The following RNF43 variants were observed in gnomAD, a reference collection of about 807,000 sequenced individuals.
The protein encoded by RNF43 is E3 ubiquitin-protein ligase RNF43.
Under a neutral mutation model 78.4 loss-of-function variants are expected in RNF43, and 37 were observed. That is an observed-to-expected ratio of 0.47 (90% CI 0.36 to 0.62). RNF43 has a LOEUF of 0.62. RNF43 is among the 20% of genes least tolerant of loss of function. RNF43 has a pLI of 0.00. For synonymous variants in RNF43, 347 were observed against 395.0 expected (o/e 0.88, Z 1.44); for missense variants, 774 against 1,007.9 (o/e 0.77, Z 3.14).
At chr17:58,398,507 G>A (rs556730116) in intron 2 of RNF43, among the ~76,000 whole-genome samples, 6 of 152,242 alleles carry the variant, frequency 3.9e-5, no homozygotes, top group African/African-American at 1.4e-4. Context: ...TGGTTCTGGG[G>A]TAAGGTACAG....
At chr17:58,352,976 C>A (rs1972594403), downstream of RNF43, 1 of 217,412 alleles carries the variant, frequency 4.6e-6, no homozygotes, top group Non-Finnish European at 9.2e-6. Flanking sequence ...AGAAGGGGAA[C>A]TTGTGCCTTG....
chr17:58,416,278 T>G (rs1320189148), intron 1 of RNF43: 1 of 152,488 alleles, frequency 6.6e-6, no homozygotes, highest in African/African-American at 2.4e-5. Flanking sequence ...ATACTTTTCA[T>G]GAACTTAGAC....
chr17:58,400,978 A>G (rs1287503062), intron 2 of RNF43, among the ~76,000 whole-genome samples: 2 of 152,130 alleles, frequency 1.3e-5, no homozygotes, highest in East Asian at 3.8e-4. Flanking sequence ...AGAGCATTCA[A>G]CTGGTGACCA....
Position 58,411,513 on chromosome 17 carries a change from A to G in RNF43, c.252+3813T>C, listed in dbSNP as rs150415905. 5.8e-3 allele frequency among the ~76,000 whole-genome samples: 887 copies of G among 152,216 alleles called. 5 individuals are homozygous for G. The highest frequency in any genetic ancestry group is 9.5e-3 in the African/African-American group (393 of 41,542). On this transcript the variant is annotated intron_variant, in intron 2 of 9. Coordinates refer to ENST00000407977, the MANE Select transcript of RNF43 (RefSeq NM_017763.6). ...ACATTGTGCAAAGGGGAATTTCTCC[A>G]GGAGGTGCTCACTGCTACTGGCCAA...
rs551444743 is a variant in RNF43 at position 58,393,671 on chromosome 17, G to C, written c.252+21655C>G. Among the ~76,000 whole-genome samples the C allele has an allele frequency of 2.4e-4, 36 of 152,268 alleles. 1 individual carries two copies. The East Asian group carries it at 6.9e-3, about 29-fold the overall frequency. On this transcript the variant is annotated intron_variant, in intron 2 of 9. Transcript: ENST00000407977. The stretch of plus-strand genomic sequence containing the variant: ...TGATTACAATGTAGGTCAAGAAATT[G>C]ATTAATTTAATGTTTGCGCTTCATT...
intron 2 of RNF43, among the ~76,000 whole-genome samples, chr17:58,404,394 T>C (rs946014052): frequency 5.3e-5 from 8 of 152,212 alleles, no homozygotes; most frequent in African/African-American, 1.9e-4. Flanking sequence ...GATGAAAGAT[T>C]AAGTGACTTG....
intron 2 of RNF43, among the ~76,000 whole-genome samples, chr17:58,398,418 T>A (rs538313993): frequency 6.6e-6 from 1 of 152,218 alleles, no homozygotes; most frequent in Non-Finnish European, 1.5e-5. Flanking sequence ...TTTTGATATA[T>A]CTCTGGTTAA....
In RNF43 at chr17:58,357,705, G is replaced by A. The variant is rs1485983033; in HGVS notation, c.2071C>T (p.Pro691Ser). 6.2e-7 allele frequency: 1 copy of A among 1,611,948 alleles called. No homozygotes were observed. The highest frequency in any genetic ancestry group is 2.2e-5 in the East Asian group (1 of 44,862). Reference sequence around the variant, plus strand: ...AAGGGGTGTGCCTCTGGGGACCAAGGATATGCCACACTGGGGGTGTAATGG... The same window carrying A: ...AAGGGGTGTGCCTCTGGGGACCAAGAATATGCCACACTGGGGGTGTAATGG... ...FPHYTPSVAY[P>S]WSPEAHPLIC... The change falls in exon 9 of 10, where the codon CCT becomes TCT. Residue 691 changes from proline to serine, a missense_variant. Pro to Ser is a moderately conservative substitution (Grantham distance 74). Coordinates refer to ENST00000407977, the MANE Select transcript of RNF43 (RefSeq NM_017763.6). The surrounding 1 kb of genome is among the most constrained non-coding windows in gnomAD (Gnocchi z 4.5).
At chr17:58,369,709 A>G (rs1008990548) in intron 3 of RNF43, among the ~76,000 whole-genome samples, 28 of 152,344 alleles carry the variant, frequency 1.8e-4, no homozygotes, top group Admixed American at 7.8e-4. Context: ...GTCATCCAGC[A>G]AGTTACCTGA....
intron 2 of RNF43, among the ~76,000 whole-genome samples, chr17:58,388,926 C>G (rs1336088268): frequency 1.3e-5 from 2 of 152,190 alleles, no homozygotes; most frequent in Non-Finnish European, 2.9e-5. Context: ...AAAAATAGAT[C>G]TGCAAAGATA....
chr17:58,367,465 G>C (rs538238044), intron 3 of RNF43, among the ~76,000 whole-genome samples: 19 of 152,352 alleles, frequency 1.2e-4, no homozygotes, highest in African/African-American at 4.3e-4. Context: ...AAGCAGTGGA[G>C]GCAGAATTTG....
At chr17:58,383,992 C>A (rs916647084) in intron 2 of RNF43, among the ~76,000 whole-genome samples, 1 of 152,136 alleles carries the variant, frequency 6.6e-6, no homozygotes, top group Non-Finnish European at 1.5e-5. Context: ...AGCTTCCCGG[C>A]AGCTTGATCA....
At chr17:58,397,848 T>G (rs1021520180) in intron 2 of RNF43, among the ~76,000 whole-genome samples, 1 of 152,146 alleles carries the variant, frequency 6.6e-6, no homozygotes, top group African/African-American at 2.4e-5. Flanking sequence ...AGCTATAAAT[T>G]AATCTAATAA....
rs972996263 is a variant in RNF43, at chr17:58,357,650, C to T, written c.2126G>A (p.Arg709Lys). 6.2e-7 allele frequency: 1 copy of T among 1,613,740 alleles called. No homozygotes were observed. The highest frequency in any genetic ancestry group is 1.3e-5 in the African/African-American group (1 of 74,990). Residue 709 changes from arginine (R) to lysine (K), a missense_variant, in exon 9 of 10, where the codon AGG becomes AAG. Coordinates refer to ENST00000407977, the MANE Select transcript of RNF43 (RefSeq NM_017763.6). This position sits in a 1 kb window ranked among gnomAD's most constrained non-coding sequence, Gnocchi z 4.5. ...LICGPPGLDK[R>K]LLPETPGPCY... ...GGGGCCTGGGGTTTCTGGTAGCAGC[C>T]TCTTGTCCAGGCCTGGAGGTCCACA...
chr17:58,413,980 C>T (rs998127734), intron 2 of RNF43, among the ~76,000 whole-genome samples: 1 of 152,164 alleles, frequency 6.6e-6, no homozygotes, highest in African/African-American at 2.4e-5. Context: ...GTTTCCTTTC[C>T]AATTGCCATA....
intron 6 of RNF43, among the ~76,000 whole-genome samples, chr17:58,362,290 C>T (rs1297845471): frequency 1.3e-5 from 2 of 151,892 alleles, no homozygotes; most frequent in African/African-American, 2.4e-5. Flanking sequence ...AGTTTTTTGT[C>T]ATCTTGTTCA....
intron 2 of RNF43, among the ~76,000 whole-genome samples, chr17:58,375,633 CAG>C (rs1309043875): frequency 1.3e-5 from 2 of 152,294 alleles, no homozygotes; most frequent in Admixed American, 1.3e-4. Flanking sequence ...GAAGACAAGA[CAG>C]AGCACACCCA....
At position 58,363,028 on chromosome 17, in the gene RNF43, C is replaced by G. The variant is rs80335711; in HGVS notation, c.582+247G>C. The stretch of plus-strand genomic sequence containing the variant: ...AGGGTTTCATTCTAGCTCTGCTATT[C>G]CATGCCATGAAGCCACAGAGCTGTA... On this transcript the variant is annotated intron_variant, in intron 5 of 9. Coordinates refer to ENST00000407977, the MANE Select transcript of RNF43 (RefSeq NM_017763.6). 9.3e-4 allele frequency: 517 copies of G among 555,850 alleles called. 5 individuals carry two copies. The East Asian group carries it at 0.014, about 15-fold the overall frequency. The allele number at this position is 555,850 out of a possible 1,614,324, so 34.4% of individuals were successfully genotyped here.
At chr17:58,413,023 G>A (rs1974054856) in intron 2 of RNF43, among the ~76,000 whole-genome samples, 1 of 152,092 alleles carries the variant, frequency 6.6e-6, no homozygotes, top group Non-Finnish European at 1.5e-5. Context: ...TTAGATTTCT[G>A]ACACCAGGGT....
Sources: gnomAD v4.1 joint callset for allele counts (sites outside exome capture counted in the v4.1 genomes callset) on GRCh38, gnomAD v4.1.1 for gene constraint, Gnocchi (gnomAD v3.1) non-coding constraint, MANE v1.5 for transcripts, NCBI Gene and HGNC (gene_info 2026-07-23, HGNC 2026-07-21) for gene names.